The following DLG2 variants were observed in gnomAD, a reference collection of about 807,000 sequenced individuals.
DLG2 encodes the protein discs large MAGUK scaffold protein 2.
Under a neutral mutation model 132.5 loss-of-function variants are expected in DLG2, and 45 were observed. The observed-to-expected ratio is 0.34, with a 90% confidence interval of 0.27 to 0.44. The LOEUF is 0.44. Ranked by LOEUF, DLG2 falls within the 20% of genes least tolerant of loss-of-function variation. DLG2 has a pLI of 1.00. For missense variants in DLG2, 1,045 were observed against 1,196.9 expected, an observed-to-expected ratio of 0.87 and a Z score of 1.87; for synonymous variants, 424 against 419.6, an observed-to-expected ratio of 1.01 and a Z score of -0.13.
intron 6 of DLG2, among the ~76,000 whole-genome samples, chr11:84,583,831 C>T (rs1458874656): frequency 2.0e-5 from 3 of 151,904 alleles, no homozygotes; most frequent in South Asian, 4.2e-4. Flanking sequence ...TATCATTTTC[C>T]TTGACTTGCT....
At chr11:84,238,373 G>A (rs2097185774) in intron 8 of DLG2, among the ~76,000 whole-genome samples, 1 of 152,024 alleles carries the variant, frequency 6.6e-6, no homozygotes, top group Non-Finnish European at 1.5e-5. Flanking sequence ...AAATTACCTG[G>A]ATGTGGTGGC....
chr11:85,005,471 T>G (rs1441455583), intron 6 of DLG2, among the ~76,000 whole-genome samples: 1 of 152,210 alleles, frequency 6.6e-6, no homozygotes, highest in Non-Finnish European at 1.5e-5. Flanking sequence ...TCCTAGGTAT[T>G]TAATTCTCTT....
intron 3 of DLG2, among the ~76,000 whole-genome samples, chr11:85,560,442 A>G (rs1397091031): frequency 6.6e-6 from 1 of 151,952 alleles, no homozygotes; most frequent in Non-Finnish European, 1.5e-5. Context: ...AACATGGATG[A>G]ACCTCAAAAA....
intron 7 of DLG2, among the ~76,000 whole-genome samples, chr11:84,409,456 A>G (rs2154456451): frequency 6.6e-6 from 1 of 152,338 alleles, no homozygotes; most frequent in South Asian, 2.1e-4. Flanking sequence ...GTTATAGGGA[A>G]GGTAACATGA....
intron 6 of DLG2, among the ~76,000 whole-genome samples, chr11:84,763,618 G>A (rs943618700): frequency 3.3e-5 from 5 of 152,054 alleles, no homozygotes; most frequent in African/African-American, 1.2e-4. Context: ...TAAACACAAA[G>A]TGTCCCCTGA....
At chr11:83,711,594 T>C (rs940308371) in intron 18 of DLG2, among the ~76,000 whole-genome samples, 4 of 152,208 alleles carry the variant, frequency 2.6e-5, no homozygotes, top group African/African-American at 9.7e-5. Context: ...GTGACCAAGG[T>C]AACTACCCAG....
intron 6 of DLG2, chr11:85,021,743 G>A (rs1274446809): frequency 1.1e-5 from 7 of 650,884 alleles, no homozygotes; most frequent in South Asian, 1.8e-5. Context: ...GAAGAGATTC[G>A]ATTCTGAGTC....
chr11:84,673,122 A>G (rs1371571689), intron 6 of DLG2, among the ~76,000 whole-genome samples: 1 of 152,068 alleles, frequency 6.6e-6, no homozygotes, highest in African/African-American at 2.4e-5. Flanking sequence ...TAGGATTACA[A>G]TTTGACATGA....
At chr11:85,207,604 G>A (rs2081982260) in intron 4 of DLG2, among the ~76,000 whole-genome samples, 1 of 152,046 alleles carries the variant, frequency 6.6e-6, no homozygotes, top group Non-Finnish European at 1.5e-5. Flanking sequence ...CCCATTACAT[G>A]TGTCAAATTT....
At chr11:85,041,149 A>G (rs1214422234) in intron 6 of DLG2, among the ~76,000 whole-genome samples, 1 of 151,868 alleles carries the variant, frequency 6.6e-6, no homozygotes, top group East Asian at 1.9e-4. Flanking sequence ...TTACCTTGCC[A>G]AAACGAAATA....
Position 83,741,739 on chromosome 11 carries a change from T to C in DLG2, c.1825+44951A>G, listed in dbSNP as rs557226939. Reference sequence around the variant, plus strand: ...AAATGGCCATACTGGCTGGGTGCAGTGGGTCATGCCTGTAATCCCACCACT... The same window carrying C: ...AAATGGCCATACTGGCTGGGTGCAGCGGGTCATGCCTGTAATCCCACCACT... On this transcript the variant is annotated intron_variant, in intron 18 of 27. Transcript: ENST00000376104. Among the ~76,000 whole-genome samples the C allele has an allele frequency of 2.0e-3, 297 of 152,170 alleles. 1 individual carries two copies. The highest frequency in any genetic ancestry group is 6.8e-3 in the African/African-American group (284 of 41,516).
rs191763912 is a variant in DLG2 at position 84,680,452 on chromosome 11, T to C, written c.358-145721A>G. On this transcript the variant is annotated intron_variant, in intron 6 of 27. Coordinates refer to ENST00000376104, the MANE Select transcript of DLG2 (RefSeq NM_001142699.3). ...CTTCCTCATAATTCCAAGGTGAATC[T>C]ACCTATCCTTACATGCTGGTCCTCT... Among the ~76,000 whole-genome samples the C allele has an allele frequency of 7.9e-4, 120 of 152,274 alleles. 1 individual carries two copies. Among genetic ancestry groups the C allele is most frequent in the African/African-American group, 2.8e-3 (118 of 41,578 alleles).
At chr11:85,119,599 T>A (rs1435944069) in intron 5 of DLG2, among the ~76,000 whole-genome samples, 1 of 152,026 alleles carries the variant, frequency 6.6e-6, no homozygotes, top group Non-Finnish European at 1.5e-5. Context: ...AAATAAATAT[T>A]TTTTCATTGG....
chr11:83,659,349 C>G (rs899923915), intron 18 of DLG2, among the ~76,000 whole-genome samples: 2 of 152,148 alleles, frequency 1.3e-5, no homozygotes, highest in Admixed American at 1.3e-4. Context: ...TTGGACCACA[C>G]CCAGACCAGA....
intron 18 of DLG2, among the ~76,000 whole-genome samples, chr11:83,654,321 C>G (rs988193863): frequency 3.9e-5 from 6 of 152,200 alleles, no homozygotes; most frequent in Admixed American, 3.3e-4. Context: ...GATCTGCCCT[C>G]TGCTTTCCTA....
chr11:85,169,185 A>G (rs910935467), intron 4 of DLG2, among the ~76,000 whole-genome samples: 8 of 152,032 alleles, frequency 5.3e-5, no homozygotes, highest in African/African-American at 1.9e-4. Flanking sequence ...TATTTGTATT[A>G]TTTTCATTGC....
intron 4 of DLG2, among the ~76,000 whole-genome samples, chr11:85,200,958 T>C (rs539456167): frequency 1.3e-4 from 20 of 152,214 alleles, no homozygotes; most frequent in Admixed American, 2.0e-4. Flanking sequence ...TCTGCTGCAG[T>C]TGGGAAACTA....
intron 26 of DLG2, among the ~76,000 whole-genome samples, chr11:83,463,010 A>C (rs1275461634): frequency 6.6e-6 from 1 of 152,300 alleles, no homozygotes; most frequent in East Asian, 1.9e-4. Flanking sequence ...AGGTGCATGT[A>C]GAATTTCTGA....
chr11:85,006,735 C>A (rs1242253918), intron 6 of DLG2, among the ~76,000 whole-genome samples: 2 of 151,758 alleles, frequency 1.3e-5, no homozygotes, highest in African/African-American at 2.4e-5. Flanking sequence ...TCCTTCAGTT[C>A]TGCTCTGATC....
Sources: allele counts gnomAD v4.1 joint callset (sites outside exome capture counted in the v4.1 genomes callset), GRCh38; gene constraint gnomAD v4.1.1; transcripts MANE v1.5; gene names NCBI Gene and HGNC (gene_info 2026-07-23, HGNC 2026-07-21).